The following CRIM1 variants were observed in gnomAD, a reference collection of about 807,000 sequenced individuals.
CRIM1 encodes cysteine rich transmembrane BMP regulator 1, also known as cysteine-rich motor neuron 1 protein.
A neutral mutation model predicts 116.4 loss-of-function variants in CRIM1; 32 were observed. That is an observed-to-expected ratio of 0.27 (90% CI 0.21 to 0.37). The LOEUF is 0.37. Ranked by LOEUF, CRIM1 falls within the 10% of genes least tolerant of loss-of-function variation. The pLI is 1.00. For missense variants in CRIM1, 1,331 were observed against 1,354.8 expected (o/e 0.98, Z 0.28); for synonymous variants, 590 against 509.2 (o/e 1.16, Z -2.13).
At chr2:36,423,870 G>C (rs111450705) in intron 2 of CRIM1, among the ~76,000 whole-genome samples, 23 of 152,290 alleles carry the variant, frequency 1.5e-4, no homozygotes, top group African/African-American at 4.8e-4. Context: ...GTGAGGTAGA[G>C]ACTTTTATTA....
chr2:36,515,464 C>G (rs567473671), intron 11 of CRIM1, among the ~76,000 whole-genome samples: 1 of 152,150 alleles, frequency 6.6e-6, no homozygotes, highest in African/African-American at 2.4e-5. Context: ...AGCATGTTGC[C>G]ACATAAGCCT....
chr2:36,452,392 A>G (rs1350526975), intron 4 of CRIM1, among the ~76,000 whole-genome samples: 1 of 152,220 alleles, frequency 6.6e-6, no homozygotes, highest in African/African-American at 2.4e-5. Flanking sequence ...CTCAACTAAG[A>G]AAAGAACATC....
chr2:36,362,000 T>G (rs1378757188), intron 1 of CRIM1, among the ~76,000 whole-genome samples: 1 of 152,128 alleles, frequency 6.6e-6, no homozygotes, highest in African/African-American at 2.4e-5. Flanking sequence ...AAATCAGTCA[T>G]TCATTCATTG....
intron 15 of CRIM1, among the ~76,000 whole-genome samples, chr2:36,545,925 T>G (rs975732331): frequency 6.6e-6 from 1 of 152,194 alleles, no homozygotes; most frequent in Non-Finnish European, 1.5e-5. Flanking sequence ...AAAATATGTT[T>G]CTATAAAGTT....
intron 2 of CRIM1, among the ~76,000 whole-genome samples, chr2:36,439,225 A>G (rs1197536518): frequency 6.6e-6 from 1 of 152,126 alleles, no homozygotes; most frequent in Non-Finnish European, 1.5e-5. Flanking sequence ...TCGTTCTCCA[A>G]CACACCCGGT....
At chr2:36,452,640 C>G (rs1273444269) in intron 4 of CRIM1, among the ~76,000 whole-genome samples, 1 of 152,152 alleles carries the variant, frequency 6.6e-6, no homozygotes, top group African/African-American at 2.4e-5. Context: ...GTCAATAATT[C>G]TCTTCAGATG....
intron 4 of CRIM1, among the ~76,000 whole-genome samples, chr2:36,447,123 GA>G (rs1307776084): frequency 6.6e-6 from 1 of 152,148 alleles, no homozygotes. Context: ...TTAATTCTAT[GA>G]GGAATTTATA....
chr2:36,549,746 AT>A lies in CRIM1; in HGVS notation c.*1046del, dbSNP rs779890985. 6 of 152,422 alleles carry A rather than the reference AT, an allele frequency of 3.9e-5. No individual in the cohort carries two copies. The highest frequency in any genetic ancestry group is 6.6e-5 in the Admixed American group (1 of 15,240). The allele number at this position is 152,422 out of a possible 1,614,324, so 9.4% of individuals were successfully genotyped here. ...GCACCTTTGTTGAAGCTCAAAAAAA[AT>A]GATGCCTCTTTAAACTTTAGCAATT... On this transcript the variant is annotated 3_prime_UTR_variant, in exon 17 of 17. Transcript: ENST00000280527.
chr2:36,464,827 G>A lies in CRIM1; in HGVS notation c.991+172G>A, dbSNP rs1219966808. Reference sequence around the variant, plus strand: ...ATCCACAGTGCAGTAAAGAAAGTTAGGTTAGGAACTATCATTCCACCCATC... The same window carrying A: ...ATCCACAGTGCAGTAAAGAAAGTTAAGTTAGGAACTATCATTCCACCCATC... On this transcript the variant is annotated intron_variant, in intron 5 of 16. Transcript: ENST00000280527. 3.9e-5 allele frequency among the ~76,000 whole-genome samples: 6 copies of A among 152,270 alleles called. No individual in the cohort carries two copies. The East Asian group carries it at 1.2e-3, about 29-fold the overall frequency.
At chr2:36,450,962 C>A (rs1676672573) in intron 4 of CRIM1, among the ~76,000 whole-genome samples, 1 of 152,190 alleles carries the variant, frequency 6.6e-6, no homozygotes, top group African/African-American at 2.4e-5. Context: ...CTGAAATTGA[C>A]TCATACTGGA....
intron 1 of CRIM1, chr2:36,378,408 G>C (rs1184475973): frequency 2.1e-6 from 1 of 471,158 alleles, no homozygotes. Context: ...TCATCTCAAA[G>C]AGGAACAAAT....
At chr2:36,477,733 C>T (rs564938740) in intron 6 of CRIM1, among the ~76,000 whole-genome samples, 59 of 152,354 alleles carry the variant, frequency 3.9e-4, no homozygotes, top group African/African-American at 1.3e-3. Context: ...CAGGCTGCAT[C>T]TTCCCATCAC....
At position 36,544,401 on chromosome 2, in the gene CRIM1, T is replaced by C. The variant is rs1304440025; in HGVS notation, c.2649T>C (p.Asn883=). The C allele has an allele frequency of 1.4e-6, 2 of 1,410,340 alleles. No homozygotes were observed. The highest frequency in any genetic ancestry group is 1.5e-5 in the African/African-American group (1 of 67,594). 87.4% of individuals were successfully genotyped at this position (1,410,340 alleles called of 1,614,324 possible). A position where few individuals can be genotyped will look rare whatever the true frequency, so the allele number is the denominator to read the frequency against. Residue 883 remains asparagine, a synonymous_variant, in exon 15 of 17, where the codon AAT becomes AAC. Coordinates refer to ENST00000280527, the MANE Select transcript of CRIM1 (RefSeq NM_016441.3). ...CPEMYVPEPT[N]IPIEKTNHRG... ...AAATGTATGTCCCAGAACCAACCAA[T>C]ATACCCATTGAGAAGACAAACCATC...
intron 14 of CRIM1, among the ~76,000 whole-genome samples, chr2:36,541,769 A>T (rs1271989979): frequency 6.6e-6 from 1 of 152,084 alleles, no homozygotes; most frequent in Non-Finnish European, 1.5e-5. Context: ...GCTTTGTGTA[A>T]ATCTCCCTGG....
At chr2:36,473,694 A>G (rs778638032) in intron 5 of CRIM1, among the ~76,000 whole-genome samples, 12 of 152,156 alleles carry the variant, frequency 7.9e-5, no homozygotes, top group Admixed American at 2.0e-4. Context: ...GTTATATTGC[A>G]TATCAGAACT....
chr2:36,391,846 T>C (rs1236264685), intron 1 of CRIM1, among the ~76,000 whole-genome samples: 1 of 151,522 alleles, frequency 6.6e-6, no homozygotes, highest in Non-Finnish European at 1.5e-5. Context: ...TTAGTATGAA[T>C]AGAGGTTGTG....
intron 4 of CRIM1, among the ~76,000 whole-genome samples, chr2:36,452,354 T>A (rs1676797553): frequency 6.6e-6 from 1 of 152,022 alleles, no homozygotes; most frequent in African/African-American, 2.4e-5. Flanking sequence ...CAGAAAAAAA[T>A]TTGGAAGTGT....
intron 2 of CRIM1, among the ~76,000 whole-genome samples, chr2:36,401,438 G>A (rs573552412): frequency 1.3e-5 from 2 of 152,262 alleles, no homozygotes; most frequent in African/African-American, 2.4e-5. Context: ...TTATGCTTCC[G>A]TGCCTTACTA....
At chr2:36,487,972 C>T (rs989084500) in intron 7 of CRIM1, among the ~76,000 whole-genome samples, 1 of 151,964 alleles carries the variant, frequency 6.6e-6, no homozygotes, top group South Asian at 2.1e-4. Context: ...AGAAACAGGT[C>T]AAAATAGGTT....
Sources: allele counts gnomAD v4.1 joint callset (sites outside exome capture counted in the v4.1 genomes callset), GRCh38; gene constraint gnomAD v4.1.1; transcripts MANE v1.5; gene names NCBI Gene and HGNC (gene_info 2026-07-23, HGNC 2026-07-21).